Variants in SNAPC1 observed in about 807,000 individuals in gnomAD.
SNAPC1 encodes snRNA-activating protein complex subunit 1.
SNAPC1 carries 42 observed loss-of-function variants against 50.1 expected under a neutral mutation model. The observed-to-expected ratio is 0.84, with a 90% CI of 0.65 to 1.08. The LOEUF is 1.08. Among genes scored for constraint, SNAPC1 ranks in the 50% least tolerant of loss-of-function variants. The pLI is 0.00. For synonymous variants in SNAPC1, 164 were observed against 144.2 expected, an observed-to-expected ratio of 1.14 and a Z score of -0.98; for missense variants, 477 against 427.3, an observed-to-expected ratio of 1.12 and a Z score of -1.02.
intron 8 of SNAPC1, among the ~76,000 whole-genome samples, chr14:61,785,500 C>G (rs1047291661): frequency 2.6e-5 from 4 of 152,134 alleles, no homozygotes; most frequent in African/African-American, 9.7e-5. Context: ...ATATCTGAGA[C>G]AGGTCTCAGT....
In SNAPC1 at chr14:61,778,919, T is replaced by C. The variant is rs140933284; in HGVS notation, c.825+9T>C. On this transcript the variant is annotated intron_variant, in intron 7 of 9. Coordinates refer to ENST00000216294, the MANE Select transcript of SNAPC1 (RefSeq NM_003082.4). ...TTTCAGTTGTCATACAGGTAAGTTATTCTTTAATAAGGTAATTTGGAAATT... is the reference window on the plus strand; with the variant it reads ...TTTCAGTTGTCATACAGGTAAGTTACTCTTTAATAAGGTAATTTGGAAATT... 43 of 1,462,894 alleles carry C rather than the reference T, an allele frequency of 2.9e-5. No homozygotes were observed. In the African/African-American group the frequency reaches 4.2e-4, roughly 14 times the overall value. 90.6% of individuals were successfully genotyped at this position (1,462,894 alleles called of 1,614,324 possible).
intron 4 of SNAPC1, among the ~76,000 whole-genome samples, chr14:61,773,984 C>T (rs763118811): frequency 1.2e-4 from 19 of 152,100 alleles, no homozygotes; most frequent in Non-Finnish European, 2.2e-4. Context: ...GCTGGGATTA[C>T]AGGCATGAGC....
Position 61,776,088 on chromosome 14 carries a change from C to T in SNAPC1, c.535-7C>T, listed in dbSNP as rs775201339. The stretch of plus-strand genomic sequence containing the variant: ...AAGAAATAAAGGACTCATCTTTTTG[C>T]TTTTAGGAAATGCTGAATGTTCATG... On this transcript the variant is annotated splice_polypyrimidine_tract_variant and splice_region_variant and intron_variant, in intron 4 of 9. Transcript: ENST00000216294. 6.4e-6 allele frequency: 10 copies of T among 1,567,096 alleles called. No homozygotes were observed. In the Admixed American group the frequency reaches 6.5e-5, roughly 10 times the overall value.
intron 8 of SNAPC1, among the ~76,000 whole-genome samples, chr14:61,790,605 G>A (rs1425921383): frequency 6.6e-6 from 1 of 152,190 alleles, no homozygotes; most frequent in Non-Finnish European, 1.5e-5. Context: ...CTAAAGTGCT[G>A]AGATTACAGG....
At chr14:61,787,387 A>G (rs1448223126) in intron 8 of SNAPC1, among the ~76,000 whole-genome samples, 1 of 92,230 alleles carries the variant, frequency 1.1e-5, no homozygotes, top group Non-Finnish European at 2.1e-5. Context: ...CTTCTGGTAG[A>G]TTAAAATGTT....
intron 8 of SNAPC1, among the ~76,000 whole-genome samples, chr14:61,785,375 G>A (rs1392444052): frequency 1.3e-5 from 2 of 151,974 alleles, no homozygotes; most frequent in Non-Finnish European, 2.9e-5. Context: ...GAGCCTTTGC[G>A]CTCCAACCTG....
At chr14:61,767,521 T>G (rs1211796131) in intron 3 of SNAPC1, among the ~76,000 whole-genome samples, 169 bp downstream of exon 3, 4 of 152,052 alleles carry the variant, frequency 2.6e-5, no homozygotes, top group African/African-American at 4.8e-5. Flanking sequence ...TGGAGTGCAG[T>G]GGCACCATCT....
In SNAPC1 at chr14:61,774,648, A is replaced by ATTTTTT. The variant is rs35300490; in HGVS notation, c.535-1422_535-1417dup. On this transcript the variant is annotated intron_variant, in intron 4 of 9. Coordinates refer to ENST00000216294, the MANE Select transcript of SNAPC1 (RefSeq NM_003082.4). Reference sequence around the variant, plus strand: ...ACTCACCACTATTGATCAGTTTCTCATTTTTTTTTTTTTTTTTTTTTTTTT... The same window carrying ATTTTTT: ...ACTCACCACTATTGATCAGTTTCTCATTTTTTTTTTTTTTTTTTTTTTTTTTTTTTT... Among the ~76,000 whole-genome samples, 60 of 90,940 alleles carry ATTTTTT rather than the reference A, an allele frequency of 6.6e-4. 4 individuals carry two copies. Among genetic ancestry groups the ATTTTTT allele is most frequent in the African/African-American group, 1.6e-3 (39 of 24,234 alleles). The allele number at this position is 90,940 out of a possible 152,430, so 59.7% of individuals were successfully genotyped here. A position where few individuals can be genotyped will look rare whatever the true frequency, so the allele number is the denominator to read the frequency against.
At chr14:61,783,780 C>T (rs552398977) in intron 8 of SNAPC1, among the ~76,000 whole-genome samples, 6 of 152,116 alleles carry the variant, frequency 3.9e-5, no homozygotes, top group South Asian at 2.1e-4. Flanking sequence ...CTTCGTGATT[C>T]GCCCGCCTTG....
At chr14:61,777,837 A>G (rs2045046003) in intron 5 of SNAPC1, among the ~76,000 whole-genome samples, 1 of 152,126 alleles carries the variant, frequency 6.6e-6, no homozygotes, top group African/African-American at 2.4e-5. Context: ...TTTTCTTACT[A>G]CCACATAAAG....
At chr14:61,788,113 T>C (rs1196434938) in intron 8 of SNAPC1, among the ~76,000 whole-genome samples, 1 of 152,240 alleles carries the variant, frequency 6.6e-6, no homozygotes, top group Admixed American at 6.5e-5. Context: ...TGAAACTAAC[T>C]GAAGGACAGG....
At chr14:61,765,962 C>T (rs2140173818) in intron 1 of SNAPC1, among the ~76,000 whole-genome samples, 1 of 152,118 alleles carries the variant, frequency 6.6e-6, no homozygotes, top group East Asian at 1.9e-4. Context: ...AGATTTAGTG[C>T]AAATCCCTGA....
At chr14:61,794,669 G>A (rs1237760275) in intron 9 of SNAPC1, among the ~76,000 whole-genome samples, 3 of 152,062 alleles carry the variant, frequency 2.0e-5, no homozygotes, top group East Asian at 3.9e-4. Context: ...TAGCCTCCCA[G>A]AGTGCTGGGA....
chr14:61,765,901 AC>A (rs1407103363), intron 1 of SNAPC1, among the ~76,000 whole-genome samples: 1 of 152,106 alleles, frequency 6.6e-6, no homozygotes, highest in African/African-American at 2.4e-5. Flanking sequence ...AGTGCGGGTT[AC>A]TTTGTGCTGT....
At position 61,762,575 on chromosome 14, in the gene SNAPC1, G is replaced by A. The variant is rs1465444569; in HGVS notation, c.115G>A (p.Gly39Arg). 6.2e-7 allele frequency: 1 copy of A among 1,613,278 alleles called. No individual in the cohort carries two copies. The highest frequency in any genetic ancestry group is 1.3e-5 in the African/African-American group (1 of 74,854). Residue 39 changes from glycine to arginine, a missense_variant, in exon 1 of 10, where the codon GGG becomes AGG. By Grantham distance (125) the Gly-to-Arg change is moderately radical. Transcript: ENST00000216294. ...FTELWRNMKF[G>R]TIFCGRMRNL... ...GGAGCTCTGGAGAAACATGAAGTTC[G>A]GGACTATCTTCTGGTGGGTGTTTCT...
At chr14:61,783,599 G>T (rs553202719) in intron 8 of SNAPC1, among the ~76,000 whole-genome samples, 1 of 141,940 alleles carries the variant, frequency 7.0e-6, no homozygotes, top group African/African-American at 2.6e-5. Context: ...GCAGTGGCGC[G>T]ATCTCGGCTC....
At chr14:61,768,872 T>G (rs2044967882) in intron 4 of SNAPC1, 132 bp downstream of exon 4, 3 of 539,054 alleles carry the variant, frequency 5.6e-6, no homozygotes, top group Non-Finnish European at 9.9e-6. Flanking sequence ...GCTATTTCTC[T>G]AGAGTATCAG....
At position 61,785,115 on chromosome 14, in the gene SNAPC1, T is replaced by C. The variant is rs111461015; in HGVS notation, c.976+2718T>C. 8.6e-3 allele frequency among the ~76,000 whole-genome samples: 1,306 copies of C among 152,244 alleles called. 7 individuals are homozygous for C. Among genetic ancestry groups the C allele is most frequent in the Middle Eastern group, 0.031 (9 of 294 alleles). On this transcript the variant is annotated intron_variant, in intron 8 of 9. Coordinates refer to ENST00000216294, the MANE Select transcript of SNAPC1 (RefSeq NM_003082.4). ...GAATAAATTTATTAAGAGACACAAG[T>C]TTCCAGGCCGGGCGCGGTGGCCCAT...
intron 5 of SNAPC1, among the ~76,000 whole-genome samples, chr14:61,777,632 A>G (rs1419879005): frequency 6.8e-6 from 1 of 146,442 alleles, no homozygotes; most frequent in Non-Finnish European, 1.5e-5. Flanking sequence ...TTTTTTAGAG[A>G]TGGGGTCTTG....
Sources: allele counts gnomAD v4.1 joint callset (sites outside exome capture counted in the v4.1 genomes callset), GRCh38; gene constraint gnomAD v4.1.1; transcripts MANE v1.5; gene names NCBI Gene and HGNC (gene_info 2026-07-23, HGNC 2026-07-21).